CNTN4: variants seen among roughly 807,000 people sequenced by gnomAD.
The protein encoded by CNTN4 is contactin 4.
CNTN4 carries 77 observed loss-of-function variants against 122.5 expected under a neutral mutation model. The ratio of observed to expected loss-of-function variants is 0.63; its 90% confidence interval spans 0.52 to 0.76. The LOEUF is 0.76. Ranked by LOEUF, CNTN4 falls within the 30% of genes least tolerant of loss-of-function variation. CNTN4 has a pLI of 0.00. For synonymous variants in CNTN4, 512 were observed against 447.0 expected (o/e 1.15, Z -1.83); for missense variants, 1,256 against 1,259.1 (o/e 1.00, Z 0.04).
rs946781721 is a variant in CNTN4 at position 2,735,740 on chromosome 3, A to G, written c.56-475A>G. ...TGAGGAAGTGTTGTGTATATTAGCA[A>G]TACGGAGCTGTTACTCATTATTGAC... On this transcript the variant is annotated intron_variant, in intron 4 of 24. Transcript: ENST00000418658. 4.1e-5 allele frequency: 14 copies of G among 337,388 alleles called. No homozygotes were observed. In the Admixed American group the frequency reaches 5.3e-4, roughly 13 times the overall value. 20.9% of individuals were successfully genotyped at this position (337,388 alleles called of 1,614,324 possible). A position where few individuals can be genotyped will look rare whatever the true frequency, so the allele number is the denominator to read the frequency against.
At chr3:2,602,172 A>C (rs2081073474) in intron 4 of CNTN4, among the ~76,000 whole-genome samples, 1 of 152,220 alleles carries the variant, frequency 6.6e-6, no homozygotes, top group African/African-American at 2.4e-5. Flanking sequence ...ATTCCCTTTG[A>C]AAACTGGCAC....
chr3:2,638,471 C>A (rs2150096308), intron 4 of CNTN4, among the ~76,000 whole-genome samples: 1 of 152,092 alleles, frequency 6.6e-6, no homozygotes, highest in African/African-American at 2.4e-5. Flanking sequence ...TTGAAGATTT[C>A]TGTAATGAAG....
In CNTN4 at chr3:2,887,201, C is replaced by G. The variant is rs368276683; in HGVS notation, c.917C>G (p.Ala306Gly). The change falls in exon 10 of 25, where the codon GCA becomes GGA. Residue 306 changes from alanine to glycine, a missense_variant. Coordinates refer to ENST00000418658, the MANE Select transcript of CNTN4 (RefSeq NM_175607.3). ...VAENSRGKNVARGQLTFYAQP... is the reference protein window; with the variant it reads ...VAENSRGKNVGRGQLTFYAQP... ...GAAAATTCCAGAGGGAAAAATGTAG[C>G]AAGGGGACAGCTAACTTTCTATGGT... 4.3e-6 allele frequency: 7 copies of G among 1,613,394 alleles called. No individual in the cohort carries two copies. The African/African-American group carries it at 9.3e-5, about 22-fold the overall frequency.
At position 2,985,946 on chromosome 3, in the gene CNTN4, G is replaced by A. The variant is rs1451276037; in HGVS notation, c.1359-2399G>A. On this transcript the variant is annotated intron_variant, in intron 13 of 24. Coordinates refer to ENST00000418658, the MANE Select transcript of CNTN4 (RefSeq NM_175607.3). Reference sequence around the variant, plus strand: ...TTTTTTTTTTTCGAGACAGGGTCTCGCTCTGTCTCCTAGGCTGGAGTGTAG... The same window carrying A: ...TTTTTTTTTTTCGAGACAGGGTCTCACTCTGTCTCCTAGGCTGGAGTGTAG... Among the ~76,000 whole-genome samples, 9 of 133,774 alleles carry A rather than the reference G, an allele frequency of 6.7e-5. No homozygotes were observed. In the East Asian group the frequency reaches 8.5e-4, roughly 13 times the overall value. The allele number at this position is 133,774 out of a possible 152,430, so 87.8% of individuals were successfully genotyped here. A position where few individuals can be genotyped will look rare whatever the true frequency, so the allele number is the denominator to read the frequency against.
intron 7 of CNTN4, among the ~76,000 whole-genome samples, chr3:2,853,401 C>T (rs1244111181): frequency 6.6e-6 from 1 of 152,042 alleles, no homozygotes; most frequent in African/African-American, 2.4e-5. Context: ...CCCACGACCA[C>T]GCCCAGCTCA....
chr3:2,682,380 T>C (rs543827132), intron 4 of CNTN4, among the ~76,000 whole-genome samples: 74 of 152,302 alleles, frequency 4.9e-4, no homozygotes, highest in African/African-American at 1.8e-3. Flanking sequence ...AACTTTTTTT[T>C]ACTGAGGATG....
chr3:2,453,996 G>C (rs1350684487), intron 3 of CNTN4, among the ~76,000 whole-genome samples: 4 of 151,944 alleles, frequency 2.6e-5, no homozygotes, highest in Non-Finnish European at 5.9e-5. Context: ...TTCTGTGCTT[G>C]TTGCATGGAT....
chr3:2,598,552 A>G (rs1289911994), intron 4 of CNTN4, among the ~76,000 whole-genome samples: 1 of 152,156 alleles, frequency 6.6e-6, no homozygotes, highest in Non-Finnish European at 1.5e-5. Context: ...TCACATATAT[A>G]TATTTTTAAT....
intron 3 of CNTN4, among the ~76,000 whole-genome samples, chr3:2,425,549 T>G (rs966606337): frequency 3.3e-5 from 5 of 152,206 alleles, no homozygotes; most frequent in African/African-American, 1.2e-4. Context: ...GTCTTGGCAA[T>G]GTGGGCTCTT....
intron 7 of CNTN4, among the ~76,000 whole-genome samples, chr3:2,820,804 C>G (rs753082695): frequency 6.6e-6 from 1 of 151,730 alleles, no homozygotes; most frequent in Non-Finnish European, 1.5e-5. Flanking sequence ...CAGGATCAGA[C>G]CAAGAACAAA....
chr3:2,721,073 G>A (rs545191064), intron 4 of CNTN4, among the ~76,000 whole-genome samples: 18 of 152,226 alleles, frequency 1.2e-4, no homozygotes, highest in Non-Finnish European at 2.4e-4. Context: ...CCCAGGTTCA[G>A]CAATTCTCGT....
chr3:2,180,528 A>G (rs1359178804), intron 2 of CNTN4, among the ~76,000 whole-genome samples: 1 of 152,016 alleles, frequency 6.6e-6, no homozygotes, highest in Non-Finnish European at 1.5e-5. Context: ...TACTTCCCTG[A>G]ATACTGTGTA....
chr3:2,676,379 G>C (rs548135080), intron 4 of CNTN4, among the ~76,000 whole-genome samples: 28 of 152,074 alleles, frequency 1.8e-4, no homozygotes, highest in Non-Finnish European at 3.1e-4. Context: ...GCACCACCAG[G>C]CCTGACTAAT....
intron 6 of CNTN4, among the ~76,000 whole-genome samples, chr3:2,795,559 C>A (rs186636676): frequency 6.8e-6 from 1 of 147,060 alleles, no homozygotes; most frequent in Non-Finnish European, 1.5e-5. Flanking sequence ...CTCGCTCTGT[C>A]GCCCAGGCTG....
chr3:2,486,795 T>C (rs1272518040), intron 3 of CNTN4, among the ~76,000 whole-genome samples: 1 of 152,138 alleles, frequency 6.6e-6, no homozygotes, highest in Non-Finnish European at 1.5e-5. Flanking sequence ...TTGGAGAATA[T>C]TGGGTAGATT....
intron 13 of CNTN4, among the ~76,000 whole-genome samples, chr3:2,957,541 G>A (rs76442821): frequency 3.9e-5 from 6 of 151,932 alleles, no homozygotes; most frequent in South Asian, 4.2e-4. Context: ...ACCCCGTCAC[G>A]CATGTAGTGA....
rs116553184 is a variant in CNTN4 at position 2,654,348 on chromosome 3, A to G, written c.56-81867A>G. 4.9e-3 allele frequency among the ~76,000 whole-genome samples: 742 copies of G among 152,354 alleles called. 8 individuals are homozygous for G. The highest frequency in any genetic ancestry group is 0.013 in the African/African-American group (537 of 41,590). ...AAAACTATACAGATCTCAAGGGCCT[A>G]AAAGGGAATGTTATCATTTTAATTA... On this transcript the variant is annotated intron_variant, in intron 4 of 24. Transcript: ENST00000418658.
At chr3:2,475,219 C>T (rs1020224684) in intron 3 of CNTN4, among the ~76,000 whole-genome samples, 6 of 152,154 alleles carry the variant, frequency 3.9e-5, no homozygotes, top group East Asian at 1.9e-4. Flanking sequence ...TCTCAAAACA[C>T]TTGGAGATAA....
chr3:2,729,194 A>T (rs1319534749), intron 4 of CNTN4, among the ~76,000 whole-genome samples: 1 of 152,216 alleles, frequency 6.6e-6, no homozygotes, highest in Non-Finnish European at 1.5e-5. Context: ...CATCCCACGG[A>T]GTAGCCGCAG....
Sources: gnomAD v4.1 joint callset for allele counts (sites outside exome capture counted in the v4.1 genomes callset) on GRCh38, gnomAD v4.1.1 for gene constraint, MANE v1.5 for transcripts, NCBI Gene and HGNC (gene_info 2026-07-23, HGNC 2026-07-21) for gene names.